MYLK3: variants seen among roughly 807,000 people sequenced by gnomAD.
MYLK3 encodes the protein MLC kinase.
In MYLK3, 55 loss-of-function variants were observed where a neutral mutation model predicts 76.3. The observed-to-expected ratio is 0.72, with a 90% CI of 0.58 to 0.90. The LOEUF (loss-of-function observed/expected upper bound fraction) is 0.90, where lower values mean the gene tolerates loss of function less well. Among genes scored for constraint, MYLK3 ranks in the 40% least tolerant of loss-of-function variants. The pLI, the probability that MYLK3 is intolerant of heterozygous loss-of-function variation, is 0.00. For synonymous variants in MYLK3, 416 were observed against 425.4 expected (o/e 0.98, Z 0.27); for missense variants, 973 against 1,053.6 (o/e 0.92, Z 1.06).
intron 1 of MYLK3, among the ~76,000 whole-genome samples, chr16:46,745,619 G>A (rs560029442): frequency 3.9e-5 from 6 of 152,214 alleles, no homozygotes; most frequent in South Asian, 2.1e-4. Flanking sequence ...GGTGGAGGGC[G>A]TCTGTAATCC....
At position 46,709,648 on chromosome 16, in the gene MYLK3, C is replaced by T; in HGVS notation, c.2291G>A (p.Cys764Tyr). 1 of 1,612,914 alleles carries T rather than the reference C, an allele frequency of 6.2e-7. No individual in the cohort carries two copies. The highest frequency in any genetic ancestry group is 8.5e-7 in the Non-Finnish European group (1 of 1,179,724). Residue 764 changes from cysteine to tyrosine, a missense_variant, in exon 12 of 13, where the codon TGC (cysteine) becomes TAC (tyrosine). This residue lies in a region of MYLK3 where 332 missense variants were observed against 416.6 expected (regional missense o/e 0.80). Transcript: ENST00000394809. Reference protein sequence around the residue: ...EKSCRMSATQCLKHEWLNNLP... With the variant: ...EKSCRMSATQYLKHEWLNNLP... ...ATTATTCAGCCACTCGTGTTTCAGG[C>T]ACTGTGTGGCACTCATTCTGCAGCT...
intron 1 of MYLK3, among the ~76,000 whole-genome samples, chr16:46,740,988 T>TG (rs1389698785): frequency 6.6e-6 from 1 of 152,232 alleles, no homozygotes; most frequent in Non-Finnish European, 1.5e-5. Flanking sequence ...AATGTGTGCC[T>TG]GGGAGCTGGG....
intron 3 of MYLK3, among the ~76,000 whole-genome samples, chr16:46,735,272 C>A (rs1162852390): frequency 6.6e-6 from 1 of 152,142 alleles, no homozygotes; most frequent in Non-Finnish European, 1.5e-5. Flanking sequence ...ATGGCACAAT[C>A]TTGGCTCACC....
chr16:46,740,667 T>C (rs761520023), intron 1 of MYLK3, among the ~76,000 whole-genome samples: 1 of 151,450 alleles, frequency 6.6e-6, no homozygotes, highest in Admixed American at 6.6e-5. Context: ...CCCTCCCAGT[T>C]CAGCCTCCCG....
chr16:46,739,280 C>G (rs970767892), intron 2 of MYLK3, among the ~76,000 whole-genome samples: 3 of 152,168 alleles, frequency 2.0e-5, no homozygotes, highest in African/African-American at 7.2e-5. Flanking sequence ...GACCATTGCA[C>G]CTGGCCTCTA....
At chr16:46,727,100 A>C (rs1596757593) in intron 8 of MYLK3, 136 bp downstream of exon 8, 1 of 955,438 alleles carries the variant, frequency 1.0e-6, no homozygotes. Flanking sequence ...GGCCTGTCCC[A>C]GACTCCAGAA....
At chr16:46,727,806 C>T (rs781101740) in intron 7 of MYLK3, among the ~76,000 whole-genome samples, 14 of 152,318 alleles carry the variant, frequency 9.2e-5, no homozygotes, top group Middle Eastern at 6.8e-3. Context: ...AGATTATAGG[C>T]GTGAGCCACC....
At chr16:46,761,858 T>C (rs948078249) in intron 1 of MYLK3, among the ~76,000 whole-genome samples, 1 of 149,942 alleles carries the variant, frequency 6.7e-6, no homozygotes, top group African/African-American at 2.5e-5. Context: ...CAGGCTGTAA[T>C]GTGTGTGTAT....
chr16:46,717,903 G>C (rs1284051138), intron 9 of MYLK3, among the ~76,000 whole-genome samples: 3 of 152,168 alleles, frequency 2.0e-5, no homozygotes, highest in African/African-American at 7.2e-5. Context: ...TTCTTTCTTG[G>C]TGTTCACAAT....
chr16:46,719,227 G>T (rs979006708), intron 9 of MYLK3, among the ~76,000 whole-genome samples: 1 of 151,784 alleles, frequency 6.6e-6, no homozygotes, highest in Non-Finnish European at 1.5e-5. Flanking sequence ...CTTGGGAAGC[G>T]GAGGCAGGAG....
In MYLK3 at chr16:46,736,880, G is replaced by C. The variant is rs537451152; in HGVS notation, c.1001+831C>G. Among the ~76,000 whole-genome samples, 23 of 152,204 alleles carry C rather than the reference G, an allele frequency of 1.5e-4. No individual in the cohort carries two copies. In the East Asian group the frequency reaches 4.4e-3, roughly 29 times the overall value. ...TGGGGACCGGGACGTGCTGGGGAGG[G>C]CATGAGAGTCTGCGGGTTCTTTACT... On this transcript the variant is annotated intron_variant, in intron 3 of 12. Transcript: ENST00000394809.
chr16:46,741,922 C>T (rs1966938210), intron 1 of MYLK3, among the ~76,000 whole-genome samples: 3 of 152,116 alleles, frequency 2.0e-5, no homozygotes, highest in Admixed American at 6.5e-5. Flanking sequence ...AGGCACGTGC[C>T]ACCACCTCCA....
chr16:46,730,494 G>C, intron 5 of MYLK3, 99 bp downstream of exon 5: 2 of 951,814 alleles, frequency 2.1e-6, no homozygotes, highest in Non-Finnish European at 3.4e-6. Context: ...GCTCGAGAGA[G>C]AGTCATCCTG....
chr16:46,733,814 C>T (rs1966857781), intron 3 of MYLK3, among the ~76,000 whole-genome samples: 1 of 152,136 alleles, frequency 6.6e-6, no homozygotes, highest in African/African-American at 2.4e-5. Context: ...GGCAGGTGGC[C>T]TCGATTCTGG....
rs747453317 is a variant in MYLK3, at chr16:46,710,734, T to A, written c.2170A>T (p.Ile724Phe). Reference protein sequence around the residue: ...GETDAETMNFIVNCSWDFDAD... With the variant: ...GETDAETMNFFVNCSWDFDAD... The stretch of plus-strand genomic sequence containing the variant: ...TCAAAATCCCAGCTACAGTTTACAA[T>A]GAAATTCATGGTCTCTGCATCTGTT... Residue 724 changes from isoleucine to phenylalanine, a missense_variant, in exon 11 of 13, where the codon ATT becomes TTT. Physicochemically the swap from Ile to Phe is conservative, Grantham distance 21 (BLOSUM62 0). Transcript: ENST00000394809. The A allele has an allele frequency of 4.3e-6, 7 of 1,613,880 alleles. No homozygotes were observed. The highest frequency in any genetic ancestry group is 5.9e-6 in the Non-Finnish European group (7 of 1,180,022).
chr16:46,725,658 T>C (rs1043391624), intron 8 of MYLK3: 1 of 152,246 alleles, frequency 6.6e-6, no homozygotes, highest in Non-Finnish European at 1.5e-5. Context: ...TTATATGTTT[T>C]ATTCAGTTTG....
chr16:46,748,459 T>G, upstream of MYLK3: 1 of 488,980 alleles, frequency 2.0e-6, no homozygotes, highest in Non-Finnish European at 3.5e-6. The surrounding 1 kb of genome is among the most constrained non-coding windows in gnomAD (Gnocchi z 4.3). Flanking sequence ...TTGGGGCCCC[T>G]TTGACATCAC....
intron 5 of MYLK3, chr16:46,729,997 A>G: frequency 2.0e-6 from 1 of 494,588 alleles, no homozygotes; most frequent in South Asian, 2.1e-5. Context: ...CACCCCAGGG[A>G]ACATCCCCTC....
rs1287739692 is a variant in MYLK3 at position 46,712,778 on chromosome 16, TG to T, written c.1986-3del. The T allele has an allele frequency of 1.3e-6, 2 of 1,588,988 alleles. No homozygotes were observed. Among genetic ancestry groups the T allele is most frequent in the Admixed American group, 1.8e-5 (1 of 56,448 alleles). On this transcript the variant is annotated splice_region_variant and splice_polypyrimidine_tract_variant and intron_variant, in intron 9 of 12. Transcript: ENST00000394809. ...TTCAGCTTCTCTCGAGGCTTGTACC[TG>T]GGGAGAAGGGGAGGGTACAAAGAAG... is the stretch of plus-strand genomic sequence containing the variant.
Sources: allele counts gnomAD v4.1 joint callset (sites outside exome capture counted in the v4.1 genomes callset), GRCh38; gene constraint gnomAD v4.1.1; regional missense constraint gnomAD v4.1.1; non-coding constraint Gnocchi (gnomAD v3.1); transcripts MANE v1.5; gene names NCBI Gene and HGNC (gene_info 2026-07-23, HGNC 2026-07-21).